ANKFN1: variants seen among roughly 807,000 people sequenced by gnomAD.
ANKFN1 encodes ankyrin repeat and fibronectin type III domain containing 1, also known as ankyrin repeat and fibronectin type-III domain-containing protein 1.
In ANKFN1, 74 loss-of-function variants were observed where a neutral mutation model predicts 108.7. The observed-to-expected ratio is 0.68, with a 90% confidence interval of 0.56 to 0.83. ANKFN1 has a LOEUF of 0.83. Ranked by LOEUF, ANKFN1 falls within the 40% of genes least tolerant of loss-of-function variation. ANKFN1 has a pLI of 0.00. For missense variants in ANKFN1, 1,505 were observed against 1,382.3 expected, an observed-to-expected ratio of 1.09 and a Z score of -1.41; for synonymous variants, 547 against 516.2, an observed-to-expected ratio of 1.06 and a Z score of -0.81.
chr17:56,116,717 C>A (rs528441511), intron 4 of ANKFN1, among the ~76,000 whole-genome samples: 5 of 152,168 alleles, frequency 3.3e-5, no homozygotes, highest in Non-Finnish European at 7.3e-5. Flanking sequence ...GCCAAATAAA[C>A]CTCTTTTCTT....
intron 4 of ANKFN1, among the ~76,000 whole-genome samples, chr17:56,146,131 G>C (rs1441442325): frequency 6.6e-6 from 1 of 152,204 alleles, no homozygotes; most frequent in Admixed American, 6.5e-5. Context: ...GTTCCAGAAT[G>C]ATCCCCTTTG....
At chr17:56,460,451 T>C (rs2049863621) in intron 14 of ANKFN1, among the ~76,000 whole-genome samples, 1 of 145,820 alleles carries the variant, frequency 6.9e-6, no homozygotes, top group Admixed American at 6.7e-5. Flanking sequence ...AGACCTTGTC[T>C]AAAAATAAAA....
At chr17:56,198,558 T>C (rs1409152217) in intron 1 of ANKFN1, among the ~76,000 whole-genome samples, 4 of 152,164 alleles carry the variant, frequency 2.6e-5, no homozygotes, top group Non-Finnish European at 5.9e-5. Context: ...AGCCTGGGGG[T>C]TGGGGACCCC....
intron 3 of ANKFN1, among the ~76,000 whole-genome samples, chr17:56,264,665 G>T (rs1330579500): frequency 6.6e-6 from 1 of 152,140 alleles, no homozygotes; most frequent in African/African-American, 2.4e-5. Flanking sequence ...TGAGCATAGA[G>T]CACTGACCTT....
intron 9 of ANKFN1, among the ~76,000 whole-genome samples, chr17:56,441,695 A>G (rs1446995883): frequency 6.6e-6 from 1 of 152,230 alleles, no homozygotes; most frequent in Non-Finnish European, 1.5e-5. Context: ...TAATTTCCAT[A>G]GGGATTAAGT....
At chr17:56,323,616 G>A (rs1442369604) in intron 3 of ANKFN1, 1 of 152,438 alleles carries the variant, frequency 6.6e-6, no homozygotes, top group Non-Finnish European at 1.5e-5. Flanking sequence ...TCTGTGGATG[G>A]TCACTTGGCA....
intron 4 of ANKFN1, among the ~76,000 whole-genome samples, chr17:56,047,671 C>T (rs865851679): frequency 3.9e-5 from 6 of 152,166 alleles, no homozygotes; most frequent in African/African-American, 9.6e-5. Flanking sequence ...GCTTCCCCTC[C>T]CTGCCCCCAC....
chr17:56,049,228 A>G (rs1398696574), intron 4 of ANKFN1, among the ~76,000 whole-genome samples: 2 of 152,092 alleles, frequency 1.3e-5, no homozygotes, highest in African/African-American at 2.4e-5. Context: ...TTCAGTGATT[A>G]TCTCTTTTAT....
chr17:56,208,715 A>G (rs1490995293), intron 1 of ANKFN1, among the ~76,000 whole-genome samples: 1 of 152,044 alleles, frequency 6.6e-6, no homozygotes, highest in Non-Finnish European at 1.5e-5. Flanking sequence ...CAAATTTTAC[A>G]TCCCTATTCA....
rs2144668873 is a variant in ANKFN1, at chr17:56,350,783, T to C, written c.206T>C (p.Met69Thr). 1 of 1,613,630 alleles carries C rather than the reference T, an allele frequency of 6.2e-7. No individual in the cohort carries two copies. Among genetic ancestry groups the C allele is most frequent in the East Asian group, 2.2e-5 (1 of 44,830 alleles). Residue 69 changes from methionine (M) to threonine (T), a missense_variant, in exon 5 of 21, where the codon ATG becomes ACG. Physicochemically the swap from Met to Thr is moderately conservative, Grantham distance 81. Coordinates refer to ENST00000682825, the MANE Select transcript of ANKFN1 (RefSeq NM_001370326.1). ...NSINWNCRVK[M>T]TQQMQNLHLC... is the part of the protein sequence containing the mutation. ...CTTCTTAGGAATTGTCGTGTGAAAATGACGCAACAAATGCAAAATTTACAT... is the reference window on the plus strand; with the variant it reads ...CTTCTTAGGAATTGTCGTGTGAAAACGACGCAACAAATGCAAAATTTACAT...
chr17:56,271,004 A>G (rs1252683023), intron 3 of ANKFN1, among the ~76,000 whole-genome samples: 1 of 151,886 alleles, frequency 6.6e-6, no homozygotes, highest in Non-Finnish European at 1.5e-5. Context: ...TTGTAAAATT[A>G]TTTTTTTATT....
At chr17:56,319,831 C>A (rs1292206467) in intron 3 of ANKFN1, among the ~76,000 whole-genome samples, 1 of 151,886 alleles carries the variant, frequency 6.6e-6, no homozygotes, top group East Asian at 1.9e-4. Context: ...TTTATCAGCC[C>A]GAACTTCATA....
At chr17:56,468,982 A>G (rs2050223315) in intron 15 of ANKFN1, among the ~76,000 whole-genome samples, 1 of 152,170 alleles carries the variant, frequency 6.6e-6, no homozygotes, top group Non-Finnish European at 1.5e-5. Context: ...GGGATAAACT[A>G]GGGTCTGGGC....
chr17:56,311,118 G>T (rs1233056463), intron 3 of ANKFN1, among the ~76,000 whole-genome samples: 1 of 150,466 alleles, frequency 6.6e-6, no homozygotes, highest in Non-Finnish European at 1.5e-5. Flanking sequence ...TCCTTTTAGG[G>T]CTACATAATA....
intron 8 of ANKFN1, among the ~76,000 whole-genome samples, chr17:56,425,141 A>T (rs2048520630): frequency 6.6e-6 from 1 of 151,686 alleles, no homozygotes; most frequent in African/African-American, 2.4e-5. Flanking sequence ...AAAAAAAAAA[A>T]AAGTAGCTGA....
intron 8 of ANKFN1, among the ~76,000 whole-genome samples, chr17:56,428,865 CTTT>C (rs527417362): frequency 7.5e-6 from 1 of 132,496 alleles, no homozygotes; most frequent in Admixed American, 7.7e-5. Context: ...ACAAAAAGTG[CTTT>C]TTTTTTTTTT....
chr17:56,477,486 A>G lies in ANKFN1; in HGVS notation c.1774-2A>G. 1 of 1,557,536 alleles carries G rather than the reference A, an allele frequency of 6.4e-7. No homozygotes were observed. The highest frequency in any genetic ancestry group is 8.6e-7 in the Non-Finnish European group (1 of 1,158,092). On this transcript the variant is annotated splice_acceptor_variant, in intron 15 of 20. Coordinates refer to ENST00000682825, the MANE Select transcript of ANKFN1 (RefSeq NM_001370326.1). LOFTEE classifies it high-confidence loss of function. ...TTTTTTTTTTTTTTTTTAACCCTAC[A>G]GGATATTCTATCCTATCACAAAAGG...
intron 3 of ANKFN1, among the ~76,000 whole-genome samples, chr17:56,273,114 T>TA (rs2043833825): frequency 2.6e-5 from 4 of 152,308 alleles, no homozygotes; most frequent in Middle Eastern, 3.4e-3. Context: ...CGAATCTCTC[T>TA]AAAAAATACT....
chr17:56,115,508 C>T (rs1416029498), intron 4 of ANKFN1, among the ~76,000 whole-genome samples: 3 of 152,096 alleles, frequency 2.0e-5, no homozygotes, highest in African/African-American at 4.8e-5. Context: ...TGGAAGGATG[C>T]ATGCCAAATA....
Sources: allele counts gnomAD v4.1 joint callset (sites outside exome capture counted in the v4.1 genomes callset), GRCh38; gene constraint gnomAD v4.1.1; transcripts MANE v1.5; gene names NCBI Gene and HGNC (gene_info 2026-07-23, HGNC 2026-07-21).